The following CDH4 variants were observed in gnomAD, a reference collection of about 807,000 sequenced individuals.
CDH4 encodes cadherin 4.
CDH4 carries 33 observed loss-of-function variants against 86.0 expected under a neutral mutation model. That is an observed-to-expected ratio of 0.38 (90% CI 0.29 to 0.51). The LOEUF is 0.51. CDH4 is among the 20% of genes least tolerant of loss of function. The pLI is 0.86. For synonymous variants in CDH4, 555 were observed against 549.4 expected (o/e 1.01, Z -0.14); for missense variants, 1,114 against 1,307.4 (o/e 0.85, Z 2.28).
chr20:61,549,970 T>C (rs1324139136), intron 2 of CDH4, among the ~76,000 whole-genome samples: 2 of 152,050 alleles, frequency 1.3e-5, no homozygotes, highest in Non-Finnish European at 2.9e-5. Context: ...GGAGAAGACC[T>C]TCCTCCCCAC....
At chr20:61,349,125 A>G (rs6101324) in intron 2 of CDH4, among the ~76,000 whole-genome samples, 39,151 of 152,206 alleles carry the variant, frequency 0.26, 5,149 homozygotes, top group South Asian at 0.35. Context: ...CATGGGACAG[A>G]GTTCCTGTCT....
At chr20:61,876,428 A>G (rs1984027991) in intron 7 of CDH4, among the ~76,000 whole-genome samples, 1 of 152,172 alleles carries the variant, frequency 6.6e-6, no homozygotes, top group Non-Finnish European at 1.5e-5. Flanking sequence ...AGCAACGTCC[A>G]ATTGGAGAGG....
intron 6 of CDH4, among the ~76,000 whole-genome samples, chr20:61,854,531 C>T (rs1004683771): frequency 6.8e-6 from 1 of 146,510 alleles, no homozygotes; most frequent in Non-Finnish European, 1.5e-5. Context: ...GCAGTGTGAA[C>T]AGGGTGAATT....
chr20:61,661,127 G>A lies in CDH4; in HGVS notation c.170-82436G>A, dbSNP rs377384564. 2.6e-5 allele frequency among the ~76,000 whole-genome samples: 4 copies of A among 151,138 alleles called. No homozygotes were observed. The East Asian group carries it at 5.8e-4, about 22-fold the overall frequency. ...AGTGCCAGGCTCATGCCAGGTGGGT[G>A]CGGTAGGGCAGCTTCTTGCATGTTG... is the stretch of plus-strand genomic sequence containing the variant. On this transcript the variant is annotated intron_variant, in intron 2 of 15. Transcript: ENST00000614565.
chr20:61,704,149 C>T (rs984148970), intron 2 of CDH4, among the ~76,000 whole-genome samples: 1 of 152,124 alleles, frequency 6.6e-6, no homozygotes, highest in African/African-American at 2.4e-5. Flanking sequence ...TCCTCGGCAT[C>T]TCCAGCACCT....
At chr20:61,440,875 C>T (rs1351504452) in intron 2 of CDH4, among the ~76,000 whole-genome samples, 1 of 152,178 alleles carries the variant, frequency 6.6e-6, no homozygotes, top group African/African-American at 2.4e-5. Context: ...CCACTGCCCT[C>T]GCGGTGGTAA....
chr20:61,892,596 AG>A (rs1171490846), intron 7 of CDH4, among the ~76,000 whole-genome samples: 1 of 152,150 alleles, frequency 6.6e-6, no homozygotes, highest in Admixed American at 6.5e-5. Flanking sequence ...GAGGCCACAG[AG>A]GGGGTTAGCA....
intron 2 of CDH4, among the ~76,000 whole-genome samples, chr20:61,455,026 A>G (rs1023671773): frequency 3.9e-5 from 6 of 152,174 alleles, no homozygotes; most frequent in Non-Finnish European, 7.3e-5. Flanking sequence ...AGTGGTTTCT[A>G]GTTTATTCAG....
At chr20:61,691,726 A>G (rs1414498790) in intron 2 of CDH4, among the ~76,000 whole-genome samples, 1 of 152,204 alleles carries the variant, frequency 6.6e-6, no homozygotes, top group East Asian at 1.9e-4. Context: ...TAACAATGGT[A>G]TTTATGGAGC....
At position 61,663,283 on chromosome 20, in the gene CDH4, C is replaced by T. The variant is rs6089255; in HGVS notation, c.170-80280C>T. Among the ~76,000 whole-genome samples, 42,468 of 152,076 alleles carry T rather than the reference C, an allele frequency of 0.28. 6,600 individuals carry two copies. The highest frequency in any genetic ancestry group is 0.44 in the African/African-American group (18,046 of 41,456). ...TTGGCGCCCACGACAAATGAGTCCA[C>T]GCAGGAAAGGAGTGGCACCCGCAGG... On this transcript the variant is annotated intron_variant, in intron 2 of 15. Transcript: ENST00000614565. This position sits in a 1 kb window ranked among gnomAD's most constrained non-coding sequence, Gnocchi z 5.0.
In CDH4 at chr20:61,889,572, C is replaced by T. The variant is rs541396426; in HGVS notation, c.1051-5338C>T. On this transcript the variant is annotated intron_variant, in intron 7 of 15. Coordinates refer to ENST00000614565, the MANE Select transcript of CDH4 (RefSeq NM_001794.5). The stretch of plus-strand genomic sequence containing the variant: ...ATGGATGATGGATGGGTAGATGGAT[C>T]GATGATGAATGAGTTAGTGGATGGA... 1.6e-4 allele frequency among the ~76,000 whole-genome samples: 17 copies of T among 109,468 alleles called. No individual in the cohort carries two copies. The South Asian group carries it at 5.1e-3, about 33-fold the overall frequency. 71.8% of individuals were successfully genotyped at this position (109,468 alleles called of 152,430 possible). A position where few individuals can be genotyped will look rare whatever the true frequency, so the allele number is the denominator to read the frequency against.
intron 8 of CDH4, among the ~76,000 whole-genome samples, chr20:61,897,703 T>C (rs1051473374): frequency 5.9e-5 from 9 of 152,324 alleles, no homozygotes; most frequent in Admixed American, 5.2e-4. Flanking sequence ...GGCGTCTCTG[T>C]GCTTTTCCAA....
intron 2 of CDH4, among the ~76,000 whole-genome samples, chr20:61,481,623 C>G (rs934413503): frequency 1.3e-5 from 2 of 152,196 alleles, no homozygotes; most frequent in East Asian, 3.9e-4. Flanking sequence ...TTTGAGGAAG[C>G]AAAAAATGAT....
At chr20:61,688,090 G>A (rs976775182) in intron 2 of CDH4, among the ~76,000 whole-genome samples, 4 of 152,078 alleles carry the variant, frequency 2.6e-5, no homozygotes, top group African/African-American at 7.2e-5. Context: ...ACAGGACCCC[G>A]CCGACAGCCC....
At chr20:61,432,672 A>T (rs2085254323) in intron 2 of CDH4, among the ~76,000 whole-genome samples, 1 of 152,050 alleles carries the variant, frequency 6.6e-6, no homozygotes, top group African/African-American at 2.4e-5. Context: ...CAAAGAGCAA[A>T]AGTTATAACT....
chr20:61,531,754 C>T (rs951628190), intron 2 of CDH4, among the ~76,000 whole-genome samples: 8 of 152,282 alleles, frequency 5.3e-5, no homozygotes, highest in East Asian at 1.9e-4. Flanking sequence ...GAGATGAGGC[C>T]GGGATGAGTC....
rs12106136 is a variant in CDH4 at position 61,506,763 on chromosome 20, G to A, written c.170-236800G>A. Among the ~76,000 whole-genome samples the A allele has an allele frequency of 4.1e-3, 620 of 152,284 alleles. 6 individuals carry two copies. Among genetic ancestry groups the A allele is most frequent in the African/African-American group, 0.014 (588 of 41,542 alleles). On this transcript the variant is annotated intron_variant, in intron 2 of 15. Transcript: ENST00000614565. Reference sequence around the variant, plus strand: ...TCAAGAGAGGCTTTTTGGGGGTCTCGAGGGACCTGCTCTGTCTAACTCACT... The same window carrying A: ...TCAAGAGAGGCTTTTTGGGGGTCTCAAGGGACCTGCTCTGTCTAACTCACT...
At chr20:61,255,210 A>G (rs1334341731) in intron 2 of CDH4, among the ~76,000 whole-genome samples, 2 of 152,234 alleles carry the variant, frequency 1.3e-5, no homozygotes, top group Non-Finnish European at 2.9e-5. Flanking sequence ...GTGCAGAGAG[A>G]GACCTTCTTA....
intron 3 of CDH4, among the ~76,000 whole-genome samples, chr20:61,745,535 G>A (rs1480937869): frequency 1.3e-5 from 2 of 152,240 alleles, no homozygotes; most frequent in South Asian, 2.1e-4. Context: ...CCAAGCAGCA[G>A]AGCACGCCTC....
Sources: gnomAD v4.1 joint callset for allele counts (sites outside exome capture counted in the v4.1 genomes callset) on GRCh38, gnomAD v4.1.1 for gene constraint, Gnocchi (gnomAD v3.1) non-coding constraint, MANE v1.5 for transcripts, NCBI Gene and HGNC (gene_info 2026-07-23, HGNC 2026-07-21) for gene names.